Variants in PYHIN1 observed in about 807,000 individuals in gnomAD.
PYHIN1 encodes pyrin and HIN domain family member 1, also known as pyrin and HIN domain-containing protein 1.
A neutral mutation model predicts 43.7 loss-of-function variants in PYHIN1; 32 were observed. The ratio of observed to expected loss-of-function variants is 0.73; its 90% CI spans 0.55 to 0.98. PYHIN1 has a LOEUF of 0.98. Among genes scored for constraint, PYHIN1 ranks in the 50% least tolerant of loss-of-function variants. The pLI is 0.00. For synonymous variants in PYHIN1, 205 were observed against 203.1 expected, an observed-to-expected ratio of 1.01 and a Z score of -0.08; for missense variants, 588 against 589.5, an observed-to-expected ratio of 1.00 and a Z score of 0.03.
chr1:158,981,611 T>C (rs1471398945), downstream of PYHIN1, among the ~76,000 whole-genome samples: 1 of 152,222 alleles, frequency 6.6e-6, no homozygotes, highest in East Asian at 1.9e-4. Flanking sequence ...TTTTAAGTTA[T>C]TTGAGAAATC....
chr1:158,961,394 T>C (rs1171653852), intron 7 of PYHIN1, among the ~76,000 whole-genome samples: 1 of 152,164 alleles, frequency 6.6e-6, no homozygotes, highest in African/African-American at 2.4e-5. Context: ...TAAATCTTCA[T>C]TTAAGATACT....
intron 7 of PYHIN1, among the ~76,000 whole-genome samples, chr1:158,963,461 G>A (rs867398779): frequency 6.6e-6 from 1 of 152,010 alleles, no homozygotes; most frequent in South Asian, 2.1e-4. Context: ...TCAAGCTGGC[G>A]AGGGAACATA....
chr1:158,989,771 G>GT, the PYHIN1 span, among the ~76,000 whole-genome samples: 1 of 152,046 alleles, frequency 6.6e-6, no homozygotes. Context: ...AAGCCACCCA[G>GT]TCAAAGGTAC....
intron 7 of PYHIN1, among the ~76,000 whole-genome samples, chr1:158,949,782 C>T (rs1018489780): frequency 3.9e-5 from 6 of 152,068 alleles, no homozygotes; most frequent in East Asian, 3.9e-4. Flanking sequence ...CAGTCTATCA[C>T]TGTTGGACAT....
intron 1 of PYHIN1, among the ~76,000 whole-genome samples, chr1:158,936,200 TCCCTCCC>T (rs1215168221): frequency 9.7e-6 from 1 of 103,556 alleles, no homozygotes; most frequent in Non-Finnish European, 1.9e-5. Context: ...CCTAATGCTA[TCCCTCCC>T]CCCTCCCCCC....
intron 7 of PYHIN1, among the ~76,000 whole-genome samples, chr1:158,965,196 T>C (rs1179310529): frequency 6.6e-6 from 1 of 152,086 alleles, no homozygotes; most frequent in Non-Finnish European, 1.5e-5. Flanking sequence ...CCTAACTACC[T>C]TGAATATATA....
chr1:158,967,465 G>T (rs1255998834), intron 7 of PYHIN1, among the ~76,000 whole-genome samples: 6 of 151,938 alleles, frequency 3.9e-5, no homozygotes, highest in East Asian at 1.9e-4. Context: ...AATAGGAAAA[G>T]TTCCATGCTC....
chr1:158,944,832 CCTAA>C (rs1445685732), intron 6 of PYHIN1, 39 bp from the exon 7 acceptor site: 1 of 1,411,430 alleles, frequency 7.1e-7, no homozygotes, highest in African/African-American at 1.5e-5. Flanking sequence ...TTTTGCTTTC[CCTAA>C]TATTAAAAAA....
chr1:158,966,176 G>A (rs1338432915), intron 7 of PYHIN1, among the ~76,000 whole-genome samples: 1 of 152,072 alleles, frequency 6.6e-6, no homozygotes, highest in Non-Finnish European at 1.5e-5. Context: ...ACTAACCCAG[G>A]AGGAAACTGA....
intron 7 of PYHIN1, among the ~76,000 whole-genome samples, chr1:158,969,980 C>T (rs890172900): frequency 6.6e-6 from 1 of 151,962 alleles, no homozygotes. Flanking sequence ...ATCTATGATT[C>T]ACCAGGTGAG....
At chr1:158,968,569 T>C (rs1216854340) in intron 7 of PYHIN1, among the ~76,000 whole-genome samples, 1 of 152,104 alleles carries the variant, frequency 6.6e-6, no homozygotes, top group Non-Finnish European at 1.5e-5. Flanking sequence ...AGAACTCCCA[T>C]TTGACCCAGC....
chr1:158,946,909 G>A (rs1168839250), intron 7 of PYHIN1, among the ~76,000 whole-genome samples: 1 of 152,120 alleles, frequency 6.6e-6, no homozygotes, highest in African/African-American at 2.4e-5. Context: ...CACAAACACT[G>A]AAACTCCTGA....
Position 158,942,052 on chromosome 1 carries a change from G to T in PYHIN1, c.655G>T (p.Val219Leu), listed in dbSNP as rs370156663. Residue 219 changes from valine to leucine, a missense_variant, in exon 5 of 9, where the codon GTA (valine) becomes TTA (leucine). Physicochemically the swap from Val to Leu is conservative, Grantham distance 32 (BLOSUM62 1). Transcript: ENST00000368140. Reference sequence around the variant, plus strand: ...CCGAGAAGACCCAATAATCGCGATGGTACTAAATGCAACAAAAGTATTTAA... The same window carrying T: ...CCGAGAAGACCCAATAATCGCGATGTTACTAAATGCAACAAAAGTATTTAA... ...IFREDPIIAM[V>L]LNATKVFKYE... is the part of the protein sequence containing the mutation. 6.2e-7 allele frequency: 1 copy of T among 1,613,906 alleles called. No individual in the cohort carries two copies.
chr1:158,937,221 C>A (rs767302368), intron 2 of PYHIN1, 46 bp downstream of exon 2: 3 of 1,512,618 alleles, frequency 2.0e-6, no homozygotes, highest in Non-Finnish European at 1.8e-6. Flanking sequence ...GATCCCCACC[C>A]TTCCCAACCT....
At chr1:158,949,557 A>G (rs1417444532) in intron 7 of PYHIN1, among the ~76,000 whole-genome samples, 1 of 102,114 alleles carries the variant, frequency 9.8e-6, no homozygotes, top group African/African-American at 3.9e-5. Context: ...AACAGTCCCC[A>G]GAGTGTGATG....
chr1:158,968,874 A>G (rs1317950265), intron 7 of PYHIN1, among the ~76,000 whole-genome samples: 3 of 149,334 alleles, frequency 2.0e-5, no homozygotes, highest in African/African-American at 7.7e-5. Context: ...GAGGAGAACA[A>G]CAGACACTGG....
chr1:158,937,325 A>G lies in PYHIN1; in HGVS notation c.265+150A>G, dbSNP rs561919051. The G allele has an allele frequency of 2.6e-5, 21 of 802,288 alleles. No homozygotes were observed. In the African/African-American group the frequency reaches 3.1e-4, roughly 12 times the overall value. 49.7% of individuals were successfully genotyped at this position (802,288 alleles called of 1,614,324 possible). On this transcript the variant is annotated intron_variant, in intron 2 of 8. Coordinates refer to ENST00000368140, the MANE Select transcript of PYHIN1 (RefSeq NM_152501.5). ...AATGTTGGTACTTCAGATGCCAACA[A>G]GTTGACAACTTATGGCATTCCATTA... is the stretch of plus-strand genomic sequence containing the variant.
At chr1:158,941,350 A>G (rs574458723) in intron 4 of PYHIN1, among the ~76,000 whole-genome samples, 10 of 152,320 alleles carry the variant, frequency 6.6e-5, no homozygotes, top group African/African-American at 2.2e-4. Context: ...GAGCCCTGAC[A>G]TTGAGAAAGA....
At chr1:158,950,668 T>G (rs1649478794) in intron 7 of PYHIN1, among the ~76,000 whole-genome samples, 1 of 152,202 alleles carries the variant, frequency 6.6e-6, no homozygotes, top group African/African-American at 2.4e-5. Context: ...CATCTCAATT[T>G]TTAAAATTAA....
Sources: gnomAD v4.1 joint callset for allele counts (sites outside exome capture counted in the v4.1 genomes callset) on GRCh38, gnomAD v4.1.1 for gene constraint, MANE v1.5 for transcripts, NCBI Gene and HGNC (gene_info 2026-07-23, HGNC 2026-07-21) for gene names.